The following FOXD3 variants were observed in gnomAD, a reference collection of about 807,000 sequenced individuals.
FOXD3 encodes the protein forkhead box D3, also known as forkhead box protein D3.
In FOXD3, 3 loss-of-function variants were observed where a neutral mutation model predicts 3.6. The ratio of observed to expected loss-of-function variants is 0.84; its 90% CI spans 0.38 to 2.18. FOXD3 has a LOEUF of 2.18. Ranked by LOEUF, FOXD3 falls within the 30% of genes most tolerant of loss-of-function variation. The pLI is 0.06. For synonymous variants in FOXD3, 391 were observed against 360.9 expected, an observed-to-expected ratio of 1.08 and a Z score of -0.94; for missense variants, 686 against 731.6, an observed-to-expected ratio of 0.94 and a Z score of 0.72.
chr1:63,323,254 C>T lies in FOXD3; in HGVS notation c.196C>T (p.Pro66Ser), dbSNP rs1458082829. The T allele has an allele frequency of 1.3e-6, 2 of 1,519,122 alleles. No individual in the cohort carries two copies. Among genetic ancestry groups the T allele is most frequent in the South Asian group, 1.2e-5 (1 of 82,274 alleles). The allele number at this position is 1,519,122 out of a possible 1,614,324, so 94.1% of individuals were successfully genotyped here. A position where few individuals can be genotyped will look rare whatever the true frequency, so the allele number is the denominator to read the frequency against. The change falls in exon 1 of 1, where the codon CCC becomes TCC. Residue 66 changes from proline (P) to serine (S), a missense_variant. Around this residue, in one of 3 missense-constraint regions of FOXD3, gnomAD observed 232 missense variants for 214.0 expected, o/e 1.08. Transcript: ENST00000371116. The surrounding 1 kb of genome is among the most constrained non-coding windows in gnomAD (Gnocchi z 6.8). The stretch of plus-strand genomic sequence containing the variant: ...GGCGGACGAGGTGCCCCCGGCGGCA[C>T]CCCATCACGGACAGCCTCAGCCGCC... ...DEADEVPPAA[P>S]HHGQPQPPHQ...
chr1:63,322,645 C>T lies in FOXD3; in HGVS notation c.-414C>T. On this transcript the variant is annotated 5_prime_UTR_variant, in exon 1 of 1. Coordinates refer to ENST00000371116, the MANE Select transcript of FOXD3 (RefSeq NM_012183.3). The stretch of plus-strand genomic sequence containing the variant: ...CCCTGCCCCCCCGCTACTGTCCCTG[C>T]CCGCGCCCTCCCGAGCTGCTCGGCG... The T allele has an allele frequency of 1.0e-6, 1 of 956,940 alleles. No individual in the cohort carries two copies. The highest frequency in any genetic ancestry group is 1.8e-5 in the African/African-American group (1 of 56,550). The allele number at this position is 956,940 out of a possible 1,614,324, so 59.3% of individuals were successfully genotyped here.
chr1:63,323,352 G>T lies in FOXD3; in HGVS notation c.294G>T (p.Ala98=), dbSNP rs1647043718. ...AGAGPGGDVG[A]PEADGCKGGV... The stretch of plus-strand genomic sequence containing the variant: ...CCGGACCGGGGGGCGACGTGGGCGC[G>T]CCGGAGGCGGACGGCTGCAAGGGCG... Residue 98 remains alanine (A), a synonymous_variant, in exon 1 of 1, where the codon GCG becomes GCT. Coordinates refer to ENST00000371116, the MANE Select transcript of FOXD3 (RefSeq NM_012183.3). This position sits in a 1 kb window ranked among gnomAD's most constrained non-coding sequence, Gnocchi z 6.8. The T allele has an allele frequency of 1.5e-6, 2 of 1,346,538 alleles. No individual in the cohort carries two copies. Among genetic ancestry groups the T allele is most frequent in the African/African-American group, 1.5e-5 (1 of 64,946 alleles). The allele number at this position is 1,346,538 out of a possible 1,614,324, so 83.4% of individuals were successfully genotyped here.
At position 63,324,800 on chromosome 1, in the gene FOXD3, G is replaced by A. The variant is rs570474259; in HGVS notation, c.*305G>A. On this transcript the variant is annotated 3_prime_UTR_variant, in exon 1 of 1. Transcript: ENST00000371116. This position sits in a 1 kb window ranked among gnomAD's most constrained non-coding sequence, Gnocchi z 4.1. ...CCCGACGGCGCCTGCTCTTAGTACC[G>A]TGGGGATGGGAGGGAAATTCTTTGT... is the stretch of plus-strand genomic sequence containing the variant. 26 of 422,944 alleles carry A rather than the reference G, an allele frequency of 6.1e-5. No homozygotes were observed. Among genetic ancestry groups the A allele is most frequent in the Non-Finnish European group, 9.5e-5 (22 of 231,620 alleles). The allele number at this position is 422,944 out of a possible 1,614,324, so 26.2% of individuals were successfully genotyped here. A position where few individuals can be genotyped will look rare whatever the true frequency, so the allele number is the denominator to read the frequency against.
Position 63,323,158 on chromosome 1 carries a change from G to C in FOXD3, c.100G>C (p.Gly34Arg), listed in dbSNP as rs1647039662. 2.6e-6 allele frequency: 4 copies of C among 1,568,318 alleles called. No homozygotes were observed. In the South Asian group the frequency reaches 3.5e-5, roughly 14 times the overall value. Residue 34 changes from glycine (G) to arginine (R), a missense_variant, in exon 1 of 1, where the codon GGG becomes CGG. Physicochemically the swap from Gly to Arg is moderately radical, Grantham distance 125. Coordinates refer to ENST00000371116, the MANE Select transcript of FOXD3 (RefSeq NM_012183.3). This position sits in a 1 kb window ranked among gnomAD's most constrained non-coding sequence, Gnocchi z 6.8. ...CGATGTGGTGGGCGAGGGCGACGAC[G>C]GGCTGGAAGAGAAGGACAGCGACGC... ...DIDVVGEGDD[G>R]LEEKDSDAGC...
In FOXD3 at chr1:63,324,162, C is replaced by T; in HGVS notation, c.1104C>T (p.Ile368=). The change falls in exon 1 of 1, where the codon ATC becomes ATT. Residue 368 remains isoleucine (I), a synonymous_variant. Transcript: ENST00000371116. This position sits in a 1 kb window ranked among gnomAD's most constrained non-coding sequence, Gnocchi z 4.1. The stretch of plus-strand genomic sequence containing the variant: ...CCGCGGGCACCACCGCGTCGCTCAT[C>T]AAGTCCGAGCCAAGCGCGCGGCCGT... ...AGAAGTTASL[I]KSEPSARPSF... is the part of the protein sequence containing the mutation. The T allele has an allele frequency of 7.0e-7, 1 of 1,436,076 alleles. No homozygotes were observed. Among genetic ancestry groups the T allele is most frequent in the Non-Finnish European group, 9.0e-7 (1 of 1,108,268 alleles). 89.0% of individuals were successfully genotyped at this position (1,436,076 alleles called of 1,614,324 possible). A position where few individuals can be genotyped will look rare whatever the true frequency, so the allele number is the denominator to read the frequency against.
rs1647042674 is a variant in FOXD3, at chr1:63,323,319, A to G, written c.261A>G (p.Gly87=). 7.3e-7 allele frequency: 1 copy of G among 1,369,486 alleles called. No individual in the cohort carries two copies. 84.8% of individuals were successfully genotyped at this position (1,369,486 alleles called of 1,614,324 possible). The stretch of plus-strand genomic sequence containing the variant: ...TGACATTGCCCAAGGAGGCGGCCGG[A>G]GCCGGGGCCGGACCGGGGGGCGACG... ...QPLTLPKEAA[G]AGAGPGGDVG... Residue 87 remains glycine, a synonymous_variant, in exon 1 of 1, where the codon GGA becomes GGG. Transcript: ENST00000371116. This position sits in a 1 kb window ranked among gnomAD's most constrained non-coding sequence, Gnocchi z 6.8.
chr1:63,323,338 G>C lies in FOXD3; in HGVS notation c.280G>C (p.Gly94Arg). 1.5e-6 allele frequency: 2 copies of C among 1,347,176 alleles called. No individual in the cohort carries two copies. Among genetic ancestry groups the C allele is most frequent in the Non-Finnish European group, 1.9e-6 (2 of 1,051,022 alleles). 83.5% of individuals were successfully genotyped at this position (1,347,176 alleles called of 1,614,324 possible). A position where few individuals can be genotyped will look rare whatever the true frequency, so the allele number is the denominator to read the frequency against. ...EAAGAGAGPG[G>R]DVGAPEADGC... ...GGCCGGAGCCGGGGCCGGACCGGGG[G>C]GCGACGTGGGCGCGCCGGAGGCGGA... is the stretch of plus-strand genomic sequence containing the variant. The change falls in exon 1 of 1, where the codon GGC (glycine) becomes CGC (arginine). Residue 94 changes from glycine to arginine, a missense_variant. Coordinates refer to ENST00000371116, the MANE Select transcript of FOXD3 (RefSeq NM_012183.3). The surrounding 1 kb of genome is among the most constrained non-coding windows in gnomAD (Gnocchi z 6.8).
chr1:63,324,182 G>T lies in FOXD3; in HGVS notation c.1124G>T (p.Arg375Leu), dbSNP rs1244305468. 1 of 1,436,192 alleles carries T rather than the reference G, an allele frequency of 7.0e-7. No homozygotes were observed. The allele number at this position is 1,436,192 out of a possible 1,614,324, so 89.0% of individuals were successfully genotyped here. Residue 375 changes from arginine to leucine, a missense_variant, in exon 1 of 1, where the codon CGG (arginine) becomes CTG (leucine). Around this residue, in one of 3 missense-constraint regions of FOXD3, gnomAD observed 370 missense variants for 372.3 expected, o/e 0.99. Coordinates refer to ENST00000371116, the MANE Select transcript of FOXD3 (RefSeq NM_012183.3). The surrounding 1 kb of genome is among the most constrained non-coding windows in gnomAD (Gnocchi z 4.1). Reference sequence around the variant, plus strand: ...CTCATCAAGTCCGAGCCAAGCGCGCGGCCGTCGTTCAGCATCGAGAACATC... The same window carrying T: ...CTCATCAAGTCCGAGCCAAGCGCGCTGCCGTCGTTCAGCATCGAGAACATC... ...ASLIKSEPSA[R>L]PSFSIENIIG...
At position 63,324,371 on chromosome 1, in the gene FOXD3, GC is replaced by G; in HGVS notation, c.1315del (p.Arg439GlyfsTer89). On this transcript the variant is annotated frameshift_variant, in exon 1 of 1. Coordinates refer to ENST00000371116, the MANE Select transcript of FOXD3 (RefSeq NM_012183.3). LOFTEE classifies it high-confidence loss of function. The surrounding 1 kb of genome is among the most constrained non-coding windows in gnomAD (Gnocchi z 4.1). ...GCCACCCACCAACCGCTGTCGCTGA[GC>G]CGGACGACTGCCACCATCGCGCCCA... ...LMATHQPLSL[S>X]RTTATIAPIL... 4 of 1,589,006 alleles carry G rather than the reference GC, an allele frequency of 2.5e-6. No individual in the cohort carries two copies. The highest frequency in any genetic ancestry group is 3.4e-6 in the Non-Finnish European group (4 of 1,176,194).
In FOXD3 at chr1:63,324,453, C is replaced by CGCT. The variant is rs1557562298; in HGVS notation, c.1401_1403dup (p.Ala471dup). ...TGCAGCCCGCAGCCTCGGCCGCCGCCGCTGCTGCGGCCGCCGCTCAAGCCA... is the reference window on the plus strand; with the variant it reads ...TGCAGCCCGCAGCCTCGGCCGCCGCCGCTGCTGCTGCGGCCGCCGCTCAAGCCA... On this transcript the variant is annotated inframe_insertion, in exon 1 of 1. Coordinates refer to ENST00000371116, the MANE Select transcript of FOXD3 (RefSeq NM_012183.3). The surrounding 1 kb of genome is among the most constrained non-coding windows in gnomAD (Gnocchi z 4.1). 6.5e-7 allele frequency: 1 copy of CGCT among 1,539,064 alleles called. No individual in the cohort carries two copies. The highest frequency in any genetic ancestry group is 2.4e-5 in the East Asian group (1 of 40,836).
Position 63,322,705 on chromosome 1 carries a change from G to T in FOXD3, c.-354G>T. The stretch of plus-strand genomic sequence containing the variant: ...CCGCGCCCGCCTGGACCGCTCCTGC[G>T]CCCCACGCCAGGGCCAGAGGCCGAG... On this transcript the variant is annotated 5_prime_UTR_variant, in exon 1 of 1. Coordinates refer to ENST00000371116, the MANE Select transcript of FOXD3 (RefSeq NM_012183.3). 3.1e-6 allele frequency: 3 copies of T among 983,176 alleles called. No individual in the cohort carries two copies. Among genetic ancestry groups the T allele is most frequent in the Non-Finnish European group, 3.6e-6 (3 of 827,926 alleles). 60.9% of individuals were successfully genotyped at this position (983,176 alleles called of 1,614,324 possible). A position where few individuals can be genotyped will look rare whatever the true frequency, so the allele number is the denominator to read the frequency against.
In FOXD3 at chr1:63,324,145, A is replaced by G. The variant is rs1647054655; in HGVS notation, c.1087A>G (p.Thr363Ala). ...AAAGTAGAAG[T>A]TASLIKSEPS... ...TGCGGGCACAGCGGGCGCCGCGGGC[A>G]CCACCGCGTCGCTCATCAAGTCCGA... The change falls in exon 1 of 1, where the codon ACC becomes GCC. Residue 363 changes from threonine to alanine, a missense_variant. Around this residue, in one of 3 missense-constraint regions of FOXD3, gnomAD observed 370 missense variants for 372.3 expected, o/e 0.99. Coordinates refer to ENST00000371116, the MANE Select transcript of FOXD3 (RefSeq NM_012183.3). This position sits in a 1 kb window ranked among gnomAD's most constrained non-coding sequence, Gnocchi z 4.1. 7.0e-7 allele frequency: 1 copy of G among 1,431,594 alleles called. No individual in the cohort carries two copies. Among genetic ancestry groups the G allele is most frequent in the East Asian group, 3.0e-5 (1 of 32,980 alleles). The allele number at this position is 1,431,594 out of a possible 1,614,324, so 88.7% of individuals were successfully genotyped here. A position where few individuals can be genotyped will look rare whatever the true frequency, so the allele number is the denominator to read the frequency against.
At position 63,322,906 on chromosome 1, in the gene FOXD3, C is replaced by G; in HGVS notation, c.-153C>G. ...GCCGCCGAGTGTGAGCTGAGCCCAGCGGGCCCCAAGCCACCTGCGGCCCCC... is the reference window on the plus strand; with the variant it reads ...GCCGCCGAGTGTGAGCTGAGCCCAGGGGGCCCCAAGCCACCTGCGGCCCCC... On this transcript the variant is annotated 5_prime_UTR_variant, in exon 1 of 1. Coordinates refer to ENST00000371116, the MANE Select transcript of FOXD3 (RefSeq NM_012183.3). 7.2e-7 allele frequency: 1 copy of G among 1,385,238 alleles called. No homozygotes were observed. The highest frequency in any genetic ancestry group is 9.3e-7 in the Non-Finnish European group (1 of 1,076,288). 85.8% of individuals were successfully genotyped at this position (1,385,238 alleles called of 1,614,324 possible).
Position 63,323,039 on chromosome 1 carries a change from G to T in FOXD3, c.-20G>T. ...CGCCCGCTGCCCCCTCCCCGCCGCCGCTACCAACCCCGAGGAGGGATGACC... is the reference window on the plus strand; with the variant it reads ...CGCCCGCTGCCCCCTCCCCGCCGCCTCTACCAACCCCGAGGAGGGATGACC... On this transcript the variant is annotated 5_prime_UTR_variant, in exon 1 of 1. Transcript: ENST00000371116. The surrounding 1 kb of genome is among the most constrained non-coding windows in gnomAD (Gnocchi z 6.8). 2 of 1,516,974 alleles carry T rather than the reference G, an allele frequency of 1.3e-6. No homozygotes were observed. Among genetic ancestry groups the T allele is most frequent in the Non-Finnish European group, 8.8e-7 (1 of 1,136,680 alleles). The allele number at this position is 1,516,974 out of a possible 1,614,324, so 94.0% of individuals were successfully genotyped here.
At position 63,323,136 on chromosome 1, in the gene FOXD3, TGTG is replaced by T; in HGVS notation, c.83_85del (p.Val28del). The T allele has an allele frequency of 6.4e-7, 1 of 1,571,266 alleles. No homozygotes were observed. The highest frequency in any genetic ancestry group is 1.8e-5 in the Admixed American group (1 of 54,986). On this transcript the variant is annotated inframe_deletion, in exon 1 of 1. Transcript: ENST00000371116. This position sits in a 1 kb window ranked among gnomAD's most constrained non-coding sequence, Gnocchi z 6.8. ...TGACGGCCGAGGACGTGGACATCGA[TGTG>T]GTGGGCGAGGGCGACGACGGGCTGG...
In FOXD3 at chr1:63,323,083, G is replaced by A. The variant is rs1194434704; in HGVS notation, c.25G>A (p.Ala9Thr). 3 of 1,553,078 alleles carry A rather than the reference G, an allele frequency of 1.9e-6. No individual in the cohort carries two copies. Among genetic ancestry groups the A allele is most frequent in the Middle Eastern group, 1.8e-4 (1 of 5,710 alleles). MTLSGGGS[A>T]SDMSGQTVLT... is the part of the protein sequence containing the mutation. ...GATGACCCTCTCCGGCGGCGGCAGC[G>A]CCAGCGACATGTCCGGCCAGACGGT... The change falls in exon 1 of 1, where the codon GCC (alanine) becomes ACC (threonine). Residue 9 changes from alanine to threonine, a missense_variant. Physicochemically the swap from Ala to Thr is moderately conservative, Grantham distance 58. This residue lies in a region of FOXD3 where 232 missense variants were observed against 214.0 expected (regional missense o/e 1.08). Coordinates refer to ENST00000371116, the MANE Select transcript of FOXD3 (RefSeq NM_012183.3). The surrounding 1 kb of genome is among the most constrained non-coding windows in gnomAD (Gnocchi z 6.8).
Position 63,323,840 on chromosome 1 carries a change from TGGC to T in FOXD3, c.792_794del (p.Ala265del), listed in dbSNP as rs1361926762. The T allele has an allele frequency of 9.4e-6, 13 of 1,381,946 alleles. No individual in the cohort carries two copies. The highest frequency in any genetic ancestry group is 6.3e-5 in the Admixed American group (3 of 47,362). The allele number at this position is 1,381,946 out of a possible 1,614,324, so 85.6% of individuals were successfully genotyped here. On this transcript the variant is annotated inframe_deletion, in exon 1 of 1. Transcript: ENST00000371116. The surrounding 1 kb of genome is among the most constrained non-coding windows in gnomAD (Gnocchi z 6.8). ...ATGCAGAGCTTCGGCGCTTACAGCC[TGGC>T]GGCGGCGGCCGGCGCCGCGGGACCC... is the stretch of plus-strand genomic sequence containing the variant.
chr1:63,324,069 C>A lies in FOXD3; in HGVS notation c.1011C>A (p.Leu337=). 1 of 1,403,446 alleles carries A rather than the reference C, an allele frequency of 7.1e-7. No homozygotes were observed. Among genetic ancestry groups the A allele is most frequent in the African/African-American group, 1.5e-5 (1 of 65,522 alleles). The allele number at this position is 1,403,446 out of a possible 1,614,324, so 86.9% of individuals were successfully genotyped here. A position where few individuals can be genotyped will look rare whatever the true frequency, so the allele number is the denominator to read the frequency against. Residue 337 remains leucine, a synonymous_variant, in exon 1 of 1, where the codon CTC becomes CTA. Coordinates refer to ENST00000371116, the MANE Select transcript of FOXD3 (RefSeq NM_012183.3). The surrounding 1 kb of genome is among the most constrained non-coding windows in gnomAD (Gnocchi z 4.1). ...GRKAAAFGSQ[L]GPGLQLQLNS... is the part of the protein sequence containing the mutation. Reference sequence around the variant, plus strand: ...AAGCGGCCGCCTTCGGCTCACAGCTCGGCCCGGGCCTGCAGCTGCAGCTCA... The same window carrying A: ...AAGCGGCCGCCTTCGGCTCACAGCTAGGCCCGGGCCTGCAGCTGCAGCTCA...
Position 63,323,484 on chromosome 1 carries a change from G to A in FOXD3, c.426G>A (p.Pro142=). ...PSKPKNSLVK[P]PYSYIALITM... is the part of the protein sequence containing the mutation. ...AGCCCAAGAACAGCCTAGTGAAGCC[G>A]CCTTACTCGTACATCGCGCTCATCA... The change falls in exon 1 of 1, where the codon CCG becomes CCA. Residue 142 remains proline (P), a synonymous_variant. Transcript: ENST00000371116. This position sits in a 1 kb window ranked among gnomAD's most constrained non-coding sequence, Gnocchi z 6.8. 6.2e-7 allele frequency: 1 copy of A among 1,613,852 alleles called. No homozygotes were observed. Among genetic ancestry groups the A allele is most frequent in the South Asian group, 1.1e-5 (1 of 91,070 alleles).
Sources: allele counts gnomAD v4.1 joint callset, GRCh38; gene constraint gnomAD v4.1.1; regional missense constraint gnomAD v4.1.1; non-coding constraint Gnocchi (gnomAD v3.1); transcripts MANE v1.5; gene names NCBI Gene and HGNC (gene_info 2026-07-23, HGNC 2026-07-21).